CA10: variants seen among roughly 807,000 people sequenced by gnomAD.
CA10 encodes the protein carbonic anhydrase-related protein 10.
CA10 carries 14 observed loss-of-function variants against 44.2 expected under a neutral mutation model. That is an observed-to-expected ratio of 0.32 (90% confidence interval 0.21 to 0.50). The LOEUF (loss-of-function observed/expected upper bound fraction) is 0.50, where lower values mean the gene tolerates loss of function less well. Among genes scored for constraint, CA10 ranks in the 20% least tolerant of loss-of-function variants. CA10 has a pLI of 0.99. For synonymous variants in CA10, 159 were observed against 141.6 expected (o/e 1.12, Z -0.87); for missense variants, 350 against 409.7 (o/e 0.85, Z 1.26).
chr17:51,946,497 A>G (rs1261711689), intron 2 of CA10, among the ~76,000 whole-genome samples: 1 of 152,024 alleles, frequency 6.6e-6, no homozygotes, highest in African/African-American at 2.4e-5. Context: ...GCAGCAATCC[A>G]TCCCGTGGGA....
chr17:52,135,097 C>G (rs1989326577), intron 1 of CA10: 1 of 408,954 alleles, frequency 2.4e-6, no homozygotes, highest in African/African-American at 2.1e-5. Flanking sequence ...TGAATGGACC[C>G]TCTATTGGCC....
At chr17:51,631,646 ACAT>A (rs748063688) in intron 8 of CA10, 40 bp from the exon 9 acceptor site, 16 of 1,555,522 alleles carry the variant, frequency 1.0e-5, no homozygotes, top group Non-Finnish European at 1.2e-5. Context: ...CACACATACA[ACAT>A]AAAACGAGGC....
chr17:51,740,426 G>C (rs1904410197), intron 4 of CA10, among the ~76,000 whole-genome samples: 1 of 152,170 alleles, frequency 6.6e-6, no homozygotes, highest in Admixed American at 6.5e-5. Context: ...ATATTAGGCA[G>C]TGTTATGAAT....
chr17:51,819,388 T>C (rs1482797680), intron 3 of CA10, among the ~76,000 whole-genome samples: 2 of 152,166 alleles, frequency 1.3e-5, no homozygotes, highest in Non-Finnish European at 2.9e-5. Context: ...CCGAGATCCA[T>C]GGCACCACAA....
At chr17:51,984,868 T>TA (rs547219529) in intron 2 of CA10, among the ~76,000 whole-genome samples, 328 of 151,798 alleles carry the variant, frequency 2.2e-3, no homozygotes, top group Non-Finnish European at 3.8e-3. Context: ...AATGGTAATT[T>TA]AAAAATTACC....
intron 3 of CA10, among the ~76,000 whole-genome samples, chr17:51,930,400 T>C (rs1216853065): frequency 6.6e-6 from 1 of 151,988 alleles, no homozygotes; most frequent in Non-Finnish European, 1.5e-5. Context: ...TTCCACAAAT[T>C]AAAGAGGAGC....
At chr17:51,645,618 T>G (rs967552163) in intron 6 of CA10, among the ~76,000 whole-genome samples, 1 of 152,168 alleles carries the variant, frequency 6.6e-6, no homozygotes, top group African/African-American at 2.4e-5. Context: ...AAAGTTGGAA[T>G]TAAGAGAAAA....
chr17:51,795,157 C>T (rs1906659148), intron 3 of CA10, among the ~76,000 whole-genome samples: 2 of 152,212 alleles, frequency 1.3e-5, no homozygotes, highest in South Asian at 4.1e-4. Flanking sequence ...GTCTGACATA[C>T]AGCCCCTGCT....
At position 51,717,831 on chromosome 17, in the gene CA10, A is replaced by T. The variant is rs56020047; in HGVS notation, c.465+29802T>A. ...TATACACGTATATATATGTGTGTGTATATATATATATATATATATATATAT... is the reference window on the plus strand; with the variant it reads ...TATACACGTATATATATGTGTGTGTTTATATATATATATATATATATATAT... On this transcript the variant is annotated intron_variant, in intron 4 of 8. Transcript: ENST00000451037. 3.2e-3 allele frequency among the ~76,000 whole-genome samples: 153 copies of T among 47,266 alleles called. 35 individuals carry two copies. Among genetic ancestry groups the T allele is most frequent in the African/African-American group, 0.016 (131 of 8,140 alleles). 31.0% of individuals were successfully genotyped at this position (47,266 alleles called of 152,430 possible). A position where few individuals can be genotyped will look rare whatever the true frequency, so the allele number is the denominator to read the frequency against.
Position 51,739,897 on chromosome 17 carries a change from T to G in CA10, c.465+7736A>C, listed in dbSNP as rs904727211. Among the ~76,000 whole-genome samples the G allele has an allele frequency of 2.0e-5, 3 of 152,196 alleles. No individual in the cohort carries two copies. In the East Asian group the frequency reaches 5.8e-4, roughly 29 times the overall value. ...CTAGCATTGGCAAAGCTCCTTAGTC[T>G]GATCCTAGGAGTAATTCCAGGGCTG... On this transcript the variant is annotated intron_variant, in intron 4 of 8. Transcript: ENST00000451037.
At chr17:52,103,063 A>C (rs563201072) in intron 1 of CA10, among the ~76,000 whole-genome samples, 1 of 152,212 alleles carries the variant, frequency 6.6e-6, no homozygotes, top group Admixed American at 6.5e-5. Context: ...TCTCAGCCTA[A>C]GGTAATCATG....
At chr17:51,917,186 C>T (rs187016293) in intron 3 of CA10, among the ~76,000 whole-genome samples, 150 of 152,296 alleles carry the variant, frequency 9.8e-4, no homozygotes, top group Admixed American at 1.8e-3. Context: ...AACACCCCTA[C>T]CATGGTGGAT....
chr17:51,668,527 T>G (rs977143457), intron 4 of CA10, among the ~76,000 whole-genome samples: 1 of 152,194 alleles, frequency 6.6e-6, no homozygotes, highest in African/African-American at 2.4e-5. Flanking sequence ...GGTCTCTGAT[T>G]CTCAAACACA....
chr17:51,991,562 C>A (rs555295382), intron 2 of CA10, among the ~76,000 whole-genome samples: 1 of 152,224 alleles, frequency 6.6e-6, no homozygotes, highest in South Asian at 2.1e-4. Context: ...GTAATCCCAG[C>A]ACTTTGGGAG....
chr17:51,983,531 G>A (rs1984723825), intron 2 of CA10, among the ~76,000 whole-genome samples: 1 of 151,074 alleles, frequency 6.6e-6, no homozygotes, highest in Non-Finnish European at 1.5e-5. Flanking sequence ...GGTCTTATTT[G>A]TTTTTGTGAA....
intron 3 of CA10, among the ~76,000 whole-genome samples, chr17:51,873,466 C>G (rs11079984): frequency 2.9e-4 from 44 of 152,196 alleles, no homozygotes; most frequent in African/African-American, 1.1e-3. Flanking sequence ...ATTACAGGAC[C>G]TGGGAGGCAA....
At chr17:51,844,245 T>C (rs1243349973) in intron 3 of CA10, among the ~76,000 whole-genome samples, 3 of 152,144 alleles carry the variant, frequency 2.0e-5, no homozygotes, top group African/African-American at 7.2e-5. Context: ...TTAGGGAATA[T>C]TGATAAAATA....
chr17:52,109,751 T>C (rs1988750373), intron 1 of CA10, among the ~76,000 whole-genome samples: 1 of 152,210 alleles, frequency 6.6e-6, no homozygotes. Context: ...CCATCTCCAC[T>C]ATTACTATCT....
chr17:51,717,184 T>C (rs1048278221), intron 4 of CA10, among the ~76,000 whole-genome samples: 6 of 152,100 alleles, frequency 3.9e-5, no homozygotes, highest in Admixed American at 6.6e-5. Context: ...CGAATACCCC[T>C]GTAGACAGAG....
Sources: gnomAD v4.1 joint callset for allele counts (sites outside exome capture counted in the v4.1 genomes callset) on GRCh38, gnomAD v4.1.1 for gene constraint, MANE v1.5 for transcripts, NCBI Gene and HGNC (gene_info 2026-07-23, HGNC 2026-07-21) for gene names.